The following HCN1 variants were observed in gnomAD, a reference collection of about 807,000 sequenced individuals.
The protein encoded by HCN1 is potassium/sodium hyperpolarization-activated cyclic nucleotide-gated channel 1.
A neutral mutation model predicts 78.9 loss-of-function variants in HCN1; 13 were observed. That is an observed-to-expected ratio of 0.16 (90% CI 0.11 to 0.26). HCN1 has a LOEUF of 0.26. Ranked by LOEUF, HCN1 falls within the 10% of genes least tolerant of loss-of-function variation. HCN1 has a pLI of 1.00. For synonymous variants in HCN1, 552 were observed against 455.5 expected (o/e 1.21, Z -2.70); for missense variants, 810 against 1,154.3 (o/e 0.70, Z 4.32).
In HCN1 at chr5:45,257,228, A is replaced by C. The variant is rs886344365; in HGVS notation, c.*4693T>G. 2.6e-5 allele frequency: 4 copies of C among 152,210 alleles called. No individual in the cohort carries two copies. Among genetic ancestry groups the C allele is most frequent in the African/African-American group, 7.2e-5 (3 of 41,450 alleles). 9.4% of individuals were successfully genotyped at this position (152,210 alleles called of 1,614,324 possible). A position where few individuals can be genotyped will look rare whatever the true frequency, so the allele number is the denominator to read the frequency against. On this transcript the variant is annotated 3_prime_UTR_variant, in exon 8 of 8. Coordinates refer to ENST00000303230, the MANE Select transcript of HCN1 (RefSeq NM_021072.4). ...ACAACACTGTAAAACCTTTGCCCTG[A>C]TGTTAAAAGCCTTTCAGAAGGTTTT...
intron 1 of HCN1, among the ~76,000 whole-genome samples, chr5:45,684,252 T>C (rs1244120983): frequency 6.6e-6 from 1 of 152,178 alleles, no homozygotes; most frequent in Admixed American, 6.5e-5. Flanking sequence ...CTAACACAAA[T>C]GGCTAATCAT....
At chr5:45,373,291 A>G (rs1384211212) in intron 4 of HCN1, among the ~76,000 whole-genome samples, 1 of 120,166 alleles carries the variant, frequency 8.3e-6, no homozygotes, top group Admixed American at 1.0e-4. Context: ...ATTATATATT[A>G]TATATATTTT....
At chr5:45,546,780 C>T (rs1208179603) in intron 2 of HCN1, among the ~76,000 whole-genome samples, 2 of 151,772 alleles carry the variant, frequency 1.3e-5, no homozygotes, top group Admixed American at 1.3e-4. Context: ...CCTTAAATAT[C>T]GTTATTCCAA....
chr5:45,584,167 T>C (rs1046092172), intron 2 of HCN1, among the ~76,000 whole-genome samples: 8 of 152,174 alleles, frequency 5.3e-5, no homozygotes, highest in African/African-American at 1.9e-4. Context: ...GGAGTCTAAG[T>C]CTCTTTGTGG....
intron 2 of HCN1, among the ~76,000 whole-genome samples, chr5:45,526,123 C>T (rs146546953): frequency 6.0e-4 from 92 of 152,126 alleles, no homozygotes; most frequent in African/African-American, 2.0e-3. Flanking sequence ...ATTTATAAGC[C>T]ACCCACTGTG....
intron 2 of HCN1, among the ~76,000 whole-genome samples, chr5:45,469,537 C>A (rs985474849): frequency 1.3e-5 from 2 of 151,812 alleles, no homozygotes; most frequent in Admixed American, 6.6e-5. Context: ...GATCTTTGAA[C>A]CTCATTTTAA....
At chr5:45,523,059 C>T (rs1222646043) in intron 2 of HCN1, among the ~76,000 whole-genome samples, 1 of 150,896 alleles carries the variant, frequency 6.6e-6, no homozygotes, top group East Asian at 2.0e-4. Context: ...CTTCCTGTGT[C>T]CATGTGTTCT....
At chr5:45,528,571 A>G (rs1742785234) in intron 2 of HCN1, among the ~76,000 whole-genome samples, 1 of 152,012 alleles carries the variant, frequency 6.6e-6, no homozygotes, top group African/African-American at 2.4e-5. Flanking sequence ...TATGGAATTC[A>G]GATCTCAAGG....
At chr5:45,434,680 A>G (rs1384101364) in intron 3 of HCN1, among the ~76,000 whole-genome samples, 4 of 152,200 alleles carry the variant, frequency 2.6e-5, no homozygotes, top group Non-Finnish European at 5.9e-5. Flanking sequence ...AAATTTTGGC[A>G]CATAGAGGAT....
intron 2 of HCN1, among the ~76,000 whole-genome samples, chr5:45,524,195 G>T (rs1442333970): frequency 1.2e-4 from 19 of 152,078 alleles, no homozygotes; most frequent in African/African-American, 4.6e-4. Context: ...ATTTCTGAGG[G>T]CTCTGTTCTG....
chr5:45,608,040 A>T (rs1744758008), intron 2 of HCN1, among the ~76,000 whole-genome samples: 1 of 151,918 alleles, frequency 6.6e-6, no homozygotes, highest in South Asian at 2.1e-4. Context: ...TGGATTTAAA[A>T]CCAATTAACA....
intron 6 of HCN1, among the ~76,000 whole-genome samples, chr5:45,272,773 A>G (rs1456228748): frequency 1.3e-5 from 2 of 152,086 alleles, no homozygotes; most frequent in Non-Finnish European, 2.9e-5. Context: ...CAATGTAGAC[A>G]TGCCTTTACT....
At chr5:45,638,200 T>C (rs1038815477) in intron 2 of HCN1, among the ~76,000 whole-genome samples, 3 of 152,052 alleles carry the variant, frequency 2.0e-5, no homozygotes, top group African/African-American at 7.2e-5. Flanking sequence ...AAAGGAGATT[T>C]AAAGAAAAAA....
intron 1 of HCN1, among the ~76,000 whole-genome samples, chr5:45,683,455 T>C (rs1487903416): frequency 1.3e-5 from 2 of 152,160 alleles, no homozygotes; most frequent in African/African-American, 4.8e-5. Context: ...AAAAATAATT[T>C]AGGTTCCTTT....
intron 2 of HCN1, among the ~76,000 whole-genome samples, chr5:45,508,732 A>G (rs1167833829): frequency 6.6e-6 from 1 of 152,156 alleles, no homozygotes; most frequent in Non-Finnish European, 1.5e-5. Context: ...TTCCTAATAA[A>G]AAAGATTGTT....
At chr5:45,571,675 G>A (rs1188798478) in intron 2 of HCN1, among the ~76,000 whole-genome samples, 1 of 152,140 alleles carries the variant, frequency 6.6e-6, no homozygotes, top group Non-Finnish European at 1.5e-5. Flanking sequence ...AGCACTTTGG[G>A]AGGCCAGGGC....
intron 2 of HCN1, among the ~76,000 whole-genome samples, chr5:45,532,740 A>T (rs1332475621): frequency 6.6e-6 from 1 of 152,186 alleles, no homozygotes. Context: ...CAGTGGTCAG[A>T]ATCTCTGTAT....
intron 4 of HCN1, among the ~76,000 whole-genome samples, chr5:45,362,565 A>T (rs922285910): frequency 6.6e-5 from 10 of 152,194 alleles, no homozygotes; most frequent in Non-Finnish European, 1.5e-4. Flanking sequence ...TAAAATCATA[A>T]TCATATCTAA....
At chr5:45,467,331 G>A (rs890705596) in intron 2 of HCN1, among the ~76,000 whole-genome samples, 1 of 151,810 alleles carries the variant, frequency 6.6e-6, no homozygotes, top group Non-Finnish European at 1.5e-5. Context: ...AACGTCACAC[G>A]TTATTTGTCC....
Sources: allele counts gnomAD v4.1 joint callset (sites outside exome capture counted in the v4.1 genomes callset), GRCh38; gene constraint gnomAD v4.1.1; transcripts MANE v1.5; gene names NCBI Gene and HGNC (gene_info 2026-07-23, HGNC 2026-07-21).